SERPINA6: variants seen among roughly 807,000 people sequenced by gnomAD.
SERPINA6 encodes corticosteroid-binding globulin.
In SERPINA6, 19 loss-of-function variants were observed where a neutral mutation model predicts 26.4. That is an observed-to-expected ratio of 0.72 (90% CI 0.50 to 1.06). The LOEUF is 1.06. Ranked by LOEUF, SERPINA6 falls within the 50% of genes least tolerant of loss-of-function variation. The pLI, the probability that SERPINA6 is intolerant of heterozygous loss-of-function variation, is 0.00. For missense variants in SERPINA6, 473 were observed against 504.0 expected (o/e 0.94, Z 0.59); for synonymous variants, 196 against 199.4 (o/e 0.98, Z 0.14).
chr14:94,314,857 G>C, intron 1 of SERPINA6, 190 bp from the exon 2 acceptor site: 1 of 632,618 alleles, frequency 1.6e-6, no homozygotes. Flanking sequence ...AATAACAGCC[G>C]TTATGATTTA....
At position 94,314,354 on chromosome 14, in the gene SERPINA6, C is replaced by T. The variant is rs1895579187; in HGVS notation, c.295G>A (p.Glu99Lys). ...TGGTGGATCTCAGTCTCAGACCTCTCAGTGAGGTTGAAACCCAGGCCCTGG... is the reference window on the plus strand; with the variant it reads ...TGGTGGATCTCAGTCTCAGACCTCTTAGTGAGGTTGAAACCCAGGCCCTGG... ...LLQGLGFNLT[E>K]RSETEIHQGF... Residue 99 changes from glutamate to lysine, a missense_variant, in exon 2 of 5, where the codon GAG (glutamate) becomes AAG (lysine). Glu to Lys is a moderately conservative substitution (Grantham distance 56). Coordinates refer to ENST00000341584, the MANE Select transcript of SERPINA6 (RefSeq NM_001756.4). The T allele has an allele frequency of 1.2e-6, 2 of 1,614,166 alleles. No homozygotes were observed. The highest frequency in any genetic ancestry group is 2.2e-5 in the East Asian group (1 of 44,876).
At chr14:94,310,090 A>G (rs1895506765) in intron 2 of SERPINA6, 84 bp from the exon 3 acceptor site, 3 of 1,399,160 alleles carry the variant, frequency 2.1e-6, no homozygotes, top group Admixed American at 3.7e-5. Flanking sequence ...TCCAAGTGAC[A>G]CAGTGGCCTT....
At chr14:94,320,012 A>G (rs1895661634) in intron 1 of SERPINA6, among the ~76,000 whole-genome samples, 1 of 152,236 alleles carries the variant, frequency 6.6e-6, no homozygotes, top group Non-Finnish European at 1.5e-5. Context: ...GAGTTCCATA[A>G]GAGCAATTAA....
intron 1 of SERPINA6, among the ~76,000 whole-genome samples, chr14:94,318,589 G>C (rs1895642823): frequency 6.6e-6 from 1 of 152,090 alleles, no homozygotes; most frequent in Non-Finnish European, 1.5e-5. Context: ...TTCAACAAGT[G>C]GTGCTGAAAA....
chr14:94,306,474 G>A (rs1349340023), intron 3 of SERPINA6, among the ~76,000 whole-genome samples: 4 of 152,174 alleles, frequency 2.6e-5, no homozygotes, highest in South Asian at 2.1e-4. Flanking sequence ...CAATTCCTTC[G>A]AGCTGATTCC....
At chr14:94,305,183 C>T (rs994880220) in intron 4 of SERPINA6, among the ~76,000 whole-genome samples, 2 of 152,170 alleles carry the variant, frequency 1.3e-5, no homozygotes, top group Non-Finnish European at 2.9e-5. Context: ...TCACAACACC[C>T]TAAGGGGTGG....
In SERPINA6 at chr14:94,304,544, A is replaced by C; in HGVS notation, c.1092T>G (p.Thr364=). The change falls in exon 5 of 5, where the codon ACT becomes ACG. Residue 364 remains threonine (T), a synonymous_variant. Transcript: ENST00000341584. ...NEEGVDTAGS[T]GVTLNLTSKP... is the part of the protein sequence containing the mutation. ...TGGACGTCAGGTTTAGGGTGACCCC[A>C]GTGGAGCCAGCTGTGTCCACACCCT... The C allele has an allele frequency of 6.2e-7, 1 of 1,614,212 alleles. No homozygotes were observed. The highest frequency in any genetic ancestry group is 8.5e-7 in the Non-Finnish European group (1 of 1,180,034).
At chr14:94,322,866 C>G (rs773855943) in intron 1 of SERPINA6, among the ~76,000 whole-genome samples, 1 of 152,126 alleles carries the variant, frequency 6.6e-6, no homozygotes, top group East Asian at 1.9e-4. Flanking sequence ...GGCCCTGACC[C>G]GCGGCCAGCA....
At position 94,314,173 on chromosome 14, in the gene SERPINA6, T is replaced by C. The variant is rs757873099; in HGVS notation, c.476A>G (p.Asn159Ser). The change falls in exon 2 of 5, where the codon AAT becomes AGT. Residue 159 changes from asparagine (N) to serine (S), a missense_variant. Asn to Ser is a conservative substitution (Grantham distance 46). Coordinates refer to ENST00000341584, the MANE Select transcript of SERPINA6 (RefSeq NM_001756.4). ...HYYESEVLAMNFQDWATASRQ... is the reference protein window; with the variant it reads ...HYYESEVLAMSFQDWATASRQ... ...GCTGGCTGTTGCCCAGTCCTGGAAATTCATAGCCAAGACCTCTGACTCATA... is the reference window on the plus strand; with the variant it reads ...GCTGGCTGTTGCCCAGTCCTGGAAACTCATAGCCAAGACCTCTGACTCATA... 8 of 1,614,118 alleles carry C rather than the reference T, an allele frequency of 5.0e-6. No homozygotes were observed. In the Admixed American group the frequency reaches 1.3e-4, roughly 27 times the overall value.
At chr14:94,311,691 G>T (rs1002399385) in intron 2 of SERPINA6, among the ~76,000 whole-genome samples, 3 of 152,142 alleles carry the variant, frequency 2.0e-5, no homozygotes, top group African/African-American at 7.2e-5. Flanking sequence ...TGTAATCCCA[G>T]CACTTTGGGA....
rs769392840 is a variant in SERPINA6, at chr14:94,309,961, T to A, written c.659A>T (p.Asn220Ile). 6.2e-7 allele frequency: 1 copy of A among 1,614,132 alleles called. No individual in the cohort carries two copies. The highest frequency in any genetic ancestry group is 1.1e-5 in the South Asian group (1 of 91,074). The change falls in exon 3 of 5, where the codon AAC becomes ATC. Residue 220 changes from asparagine to isoleucine, a missense_variant. Physicochemically the swap from Asn to Ile is moderately radical, Grantham distance 149. Coordinates refer to ENST00000341584, the MANE Select transcript of SERPINA6 (RefSeq NM_001756.4). The part of the protein sequence containing the change: ...PFDLASTREE[N>I]FYVDETTVVK... ...CACAGTTGTCTCGTCCACATAGAAG[T>A]TCTCCTCCCTGGTGCTTGCCAGGTC... is the stretch of plus-strand genomic sequence containing the variant.
In SERPINA6 at chr14:94,309,923, TG is replaced by T; in HGVS notation, c.696del (p.Met233Ter). The T allele has an allele frequency of 6.2e-7, 1 of 1,614,164 alleles. No homozygotes were observed. Among genetic ancestry groups the T allele is most frequent in the Non-Finnish European group, 8.5e-7 (1 of 1,180,012 alleles). ...YVDETTVVKV[P>X]MMLQSSTISY... Reference sequence around the variant, plus strand: ...CTGATGGTGCTCGACTGCAACATCATGGGCACCTTCACCACAGTTGTCTCGT... The same window carrying T: ...CTGATGGTGCTCGACTGCAACATCATGGCACCTTCACCACAGTTGTCTCGT... On this transcript the variant is annotated frameshift_variant, in exon 3 of 5. Coordinates refer to ENST00000341584, the MANE Select transcript of SERPINA6 (RefSeq NM_001756.4). LOFTEE classifies it high-confidence loss of function.
At chr14:94,308,031 A>C (rs1017564430) in intron 3 of SERPINA6, among the ~76,000 whole-genome samples, 1 of 152,250 alleles carries the variant, frequency 6.6e-6, no homozygotes, top group African/African-American at 2.4e-5. Context: ...ACATTTGTCC[A>C]AGCCAAATTT....
intron 2 of SERPINA6, among the ~76,000 whole-genome samples, chr14:94,312,614 G>A (rs1174341832): frequency 6.6e-6 from 1 of 152,250 alleles, no homozygotes; most frequent in Non-Finnish European, 1.5e-5. Context: ...ATAGTCAGGT[G>A]TTAGGAAGGC....
chr14:94,314,744 A>G, intron 1 of SERPINA6, 77 bp from the exon 2 acceptor site: 1 of 1,394,524 alleles, frequency 7.2e-7, no homozygotes. Context: ...GGAGGCAGGC[A>G]AAAGACCCCA....
Position 94,304,457 on chromosome 14 carries a change from C to A in SERPINA6, c.1179G>T (p.Trp393Cys). The change falls in exon 5 of 5, where the codon TGG becomes TGT. Residue 393 changes from tryptophan to cysteine, a missense_variant. Transcript: ENST00000341584. ...FIIMIFDHFT[W>C]SSLFLARVMN... is the part of the protein sequence containing the mutation. ...TAACCCTCGCCAGGAAAAGGCTGCTCCAGGTGAAGTGGTCGAAGATCATGA... is the reference window on the plus strand; with the variant it reads ...TAACCCTCGCCAGGAAAAGGCTGCTACAGGTGAAGTGGTCGAAGATCATGA... 1 of 1,614,088 alleles carries A rather than the reference C, an allele frequency of 6.2e-7. No homozygotes were observed. Among genetic ancestry groups the A allele is most frequent in the Non-Finnish European group, 8.5e-7 (1 of 1,180,024 alleles).
At chr14:94,310,379 A>G (rs1253901733) in intron 2 of SERPINA6, among the ~76,000 whole-genome samples, 1 of 151,840 alleles carries the variant, frequency 6.6e-6, no homozygotes, top group Non-Finnish European at 1.5e-5. Context: ...CAAGTCTCAA[A>G]CTCAGAGTCC....
intron 4 of SERPINA6, 69 bp downstream of exon 4, chr14:94,306,002 C>T: frequency 3.1e-6 from 5 of 1,587,438 alleles, no homozygotes; most frequent in Non-Finnish European, 3.5e-6. Flanking sequence ...CTCAGTGCCA[C>T]TTCCTAGTAT....
intron 2 of SERPINA6, 110 bp from the exon 3 acceptor site, chr14:94,310,116 G>A (rs1337896113): frequency 2.7e-6 from 3 of 1,102,314 alleles, no homozygotes; most frequent in Non-Finnish European, 4.0e-6. Context: ...TGCTTGGAAT[G>A]TCCCCATTCA....
Sources: allele counts gnomAD v4.1 joint callset (sites outside exome capture counted in the v4.1 genomes callset), GRCh38; gene constraint gnomAD v4.1.1; transcripts MANE v1.5; gene names NCBI Gene and HGNC (gene_info 2026-07-23, HGNC 2026-07-21).